CYRIA: variants seen among roughly 807,000 people sequenced by gnomAD.
CYRIA encodes the protein CYFIP-related Rac1 interactor A.
In CYRIA, 15 loss-of-function variants were observed where a neutral mutation model predicts 43.9. The ratio of observed to expected loss-of-function variants is 0.34; its 90% CI spans 0.23 to 0.53. CYRIA has a LOEUF of 0.53. Among genes scored for constraint, CYRIA ranks in the 20% least tolerant of loss-of-function variants. The probability of loss-of-function intolerance (pLI) is 0.94; values close to 1 mark genes in which losing one functional copy is unlikely to be tolerated. For missense variants in CYRIA, 236 were observed against 394.2 expected, an observed-to-expected ratio of 0.60 and a Z score of 3.40; for synonymous variants, 117 against 136.0, an observed-to-expected ratio of 0.86 and a Z score of 0.97.
At chr2:16,559,990 T>G (rs1666670828) in intron 9 of CYRIA, among the ~76,000 whole-genome samples, 1 of 152,140 alleles carries the variant, frequency 6.6e-6, no homozygotes, top group Non-Finnish European at 1.5e-5. Context: ...ATGTCTCCAG[T>G]CGGAGTAACT....
At chr2:16,609,375 T>C (rs1033493658) in intron 2 of CYRIA, among the ~76,000 whole-genome samples, 10 of 152,182 alleles carry the variant, frequency 6.6e-5, no homozygotes, top group African/African-American at 2.4e-4. Context: ...TGACATTAAA[T>C]ATCAACATCT....
chr2:16,645,991 C>T (rs1669810539), intron 1 of CYRIA, among the ~76,000 whole-genome samples: 1 of 152,130 alleles, frequency 6.6e-6, no homozygotes, highest in South Asian at 2.1e-4. Context: ...TGACAAATGC[C>T]CAATGAATAA....
chr2:16,579,504 A>C (rs1431051499), intron 3 of CYRIA, among the ~76,000 whole-genome samples: 1 of 152,108 alleles, frequency 6.6e-6, no homozygotes, highest in Non-Finnish European at 1.5e-5. Context: ...AACACATTTC[A>C]TTGAGAAGCT....
At chr2:16,637,463 T>C (rs1444233644) in intron 1 of CYRIA, among the ~76,000 whole-genome samples, 1 of 152,186 alleles carries the variant, frequency 6.6e-6, no homozygotes, top group Non-Finnish European at 1.5e-5. Context: ...GAAACAGCCA[T>C]CTGCAAGCCA....
At chr2:16,646,596 A>G (rs1296469894) in intron 1 of CYRIA, among the ~76,000 whole-genome samples, 1 of 152,212 alleles carries the variant, frequency 6.6e-6, no homozygotes, top group African/African-American at 2.4e-5. Context: ...TTGTACTTAC[A>G]TTCATAAAAA....
intron 1 of CYRIA, among the ~76,000 whole-genome samples, chr2:16,636,723 A>T (rs187792172): frequency 6.6e-6 from 1 of 152,162 alleles, no homozygotes; most frequent in Admixed American, 6.5e-5. Flanking sequence ...TGGAAGTAGG[A>T]CAACTTCAGG....
At position 16,610,897 on chromosome 2, in the gene CYRIA, C is replaced by CATATATATATATATATAT. The variant is rs60848949; in HGVS notation, c.-11+12949_-11+12966dup. ...TAGGATTGACTTCTTTTAGTCCCAA[C>CATATATATATATATATAT]ATATATATATATATATATATATATA... On this transcript the variant is annotated intron_variant, in intron 2 of 11. Transcript: ENST00000381323. Among the ~76,000 whole-genome samples the CATATATATATATATATAT allele has an allele frequency of 1.8e-3, 164 of 92,466 alleles. 4 individuals carry two copies. Among genetic ancestry groups the CATATATATATATATATAT allele is most frequent in the African/African-American group, 3.1e-3 (88 of 28,364 alleles). The allele number at this position is 92,466 out of a possible 152,430, so 60.7% of individuals were successfully genotyped here.
chr2:16,579,766 GA>G (rs1368340777), intron 3 of CYRIA, among the ~76,000 whole-genome samples: 2 of 151,058 alleles, frequency 1.3e-5, no homozygotes, highest in Non-Finnish European at 3.0e-5. Context: ...AAAACATGAA[GA>G]AAAAAAGAAG....
At chr2:16,580,681 A>G (rs1282071422) in intron 3 of CYRIA, among the ~76,000 whole-genome samples, 4 of 152,194 alleles carry the variant, frequency 2.6e-5, no homozygotes, top group Non-Finnish European at 4.4e-5. Flanking sequence ...GAGTTAGAAT[A>G]GCCAAAACAG....
intron 2 of CYRIA, among the ~76,000 whole-genome samples, chr2:16,600,649 T>C (rs1156250287): frequency 1.3e-5 from 2 of 152,178 alleles, no homozygotes; most frequent in African/African-American, 2.4e-5. Flanking sequence ...TAATAGTATG[T>C]CCCCGCTACA....
Position 16,565,682 on chromosome 2 carries a change from C to T in CYRIA, c.156G>A (p.Leu52=), listed in dbSNP as rs1372983654. The T allele has an allele frequency of 6.3e-7, 1 of 1,588,274 alleles. No individual in the cohort carries two copies. Among genetic ancestry groups the T allele is most frequent in the Non-Finnish European group, 8.6e-7 (1 of 1,160,366 alleles). Residue 52 remains leucine (L), a synonymous_variant, in exon 4 of 12, where the codon CTG becomes CTA. Transcript: ENST00000381323. ...LQDSESILAD[L]QAYKGAGPEI... is the part of the protein sequence containing the mutation. ...CTGGGCCTGCGCCTTTGTAAGCCTG[C>T]AGGTCTGCAAGGATGCTCTCAGAAT...
intron 3 of CYRIA, among the ~76,000 whole-genome samples, chr2:16,570,591 C>T (rs73211536): frequency 0.033 from 5,025 of 152,200 alleles, 249 homozygotes; most frequent in African/African-American, 0.098. Flanking sequence ...TTTCAGATGT[C>T]GTGGAAAGAC....
chr2:16,651,783 A>T (rs1669982183), intron 1 of CYRIA, among the ~76,000 whole-genome samples: 1 of 150,600 alleles, frequency 6.6e-6, no homozygotes, highest in Non-Finnish European at 1.5e-5. Flanking sequence ...GGTGCCGTGA[A>T]TTTTTTTTTT....
intron 1 of CYRIA, among the ~76,000 whole-genome samples, chr2:16,629,170 C>G (rs1669250478): frequency 6.6e-6 from 1 of 152,154 alleles, no homozygotes; most frequent in Non-Finnish European, 1.5e-5. Flanking sequence ...ACTGGGAGGA[C>G]ACAGACCTGG....
At chr2:16,622,737 T>C (rs1346730002) in intron 2 of CYRIA, among the ~76,000 whole-genome samples, 1 of 152,180 alleles carries the variant, frequency 6.6e-6, no homozygotes, top group Non-Finnish European at 1.5e-5. Flanking sequence ...CATGTGTGTC[T>C]AAGTCGCAAA....
chr2:16,661,967 A>G (rs538511719), intron 1 of CYRIA, among the ~76,000 whole-genome samples: 2 of 152,370 alleles, frequency 1.3e-5, no homozygotes, highest in Non-Finnish European at 2.9e-5. Context: ...GAAGTTCAAC[A>G]TGCTCAGAAT....
At chr2:16,643,719 G>T (rs1669742394) in intron 1 of CYRIA, among the ~76,000 whole-genome samples, 1 of 152,040 alleles carries the variant, frequency 6.6e-6, no homozygotes, top group Admixed American at 6.5e-5. Flanking sequence ...CATCAGTGTT[G>T]CCCACTGTTA....
chr2:16,566,901 G>A (rs1276843003), intron 3 of CYRIA, among the ~76,000 whole-genome samples: 1 of 152,114 alleles, frequency 6.6e-6, no homozygotes, highest in African/African-American at 2.4e-5. Context: ...CATGGAGAGG[G>A]GACAGATGTT....
intron 2 of CYRIA, among the ~76,000 whole-genome samples, chr2:16,619,734 G>A (rs1409659800): frequency 6.6e-6 from 1 of 152,200 alleles, no homozygotes; most frequent in African/African-American, 2.4e-5. Context: ...ATGAGGAGGT[G>A]GCTACTAATG....
Sources: gnomAD v4.1 joint callset for allele counts (sites outside exome capture counted in the v4.1 genomes callset) on GRCh38, gnomAD v4.1.1 for gene constraint, MANE v1.5 for transcripts, NCBI Gene and HGNC (gene_info 2026-07-23, HGNC 2026-07-21) for gene names.